ZNF721: variants seen among roughly 807,000 people sequenced by gnomAD.
ZNF721 encodes the protein zinc finger protein 721.
ZNF721 carries 2 observed loss-of-function variants against 2.4 expected under a neutral mutation model. The ratio of observed to expected loss-of-function variants is 0.82; its 90% CI spans 0.34 to 2.58. The LOEUF is 2.58. Ranked by LOEUF, ZNF721 falls within the 30% of genes most tolerant of loss-of-function variation. The pLI is 0.11. For missense variants in ZNF721, 1,187 were observed against 1,085.5 expected, an observed-to-expected ratio of 1.09 and a Z score of -1.31; for synonymous variants, 398 against 381.8, an observed-to-expected ratio of 1.04 and a Z score of -0.50.
At chr4:494,620 C>T (rs782118542) in intron 1 of ZNF721, among the ~76,000 whole-genome samples, 10 of 152,124 alleles carry the variant, frequency 6.6e-5, no homozygotes, top group Non-Finnish European at 7.4e-5. Flanking sequence ...AAGGAAACAA[C>T]TCAGGTGAAA....
chr4:474,135 G>A, intron 1 of ZNF721: 8 of 951,702 alleles, frequency 8.4e-6, no homozygotes, highest in Admixed American at 2.4e-5. Context: ...AGCTCAGGCT[G>A]AAGCAACAGG....
Position 494,887 on chromosome 4 carries a change from G to A in ZNF721, c.-94+4169C>T, listed in dbSNP as rs1576975670. Among the ~76,000 whole-genome samples, 4 of 132,788 alleles carry A rather than the reference G, an allele frequency of 3.0e-5. No individual in the cohort carries two copies. The Admixed American group carries it at 3.8e-4, about 13-fold the overall frequency. 87.1% of individuals were successfully genotyped at this position (132,788 alleles called of 152,430 possible). ...TTAGACCATGTGATGCTTTTACAGT[G>A]CACTTATTTTTTTTTTTTTTTTGAG... On this transcript the variant is annotated intron_variant, in intron 1 of 2. Transcript: ENST00000511833.
chr4:459,277 C>G (rs782784056), intron 2 of ZNF721, among the ~76,000 whole-genome samples: 9 of 152,078 alleles, frequency 5.9e-5, no homozygotes, highest in Non-Finnish European at 1.3e-4. Context: ...ATCATAATGA[C>G]AGTATCAAAT....
chr4:459,335 A>G (rs1434271188), intron 2 of ZNF721, among the ~76,000 whole-genome samples: 1 of 152,198 alleles, frequency 6.6e-6, no homozygotes, highest in Non-Finnish European at 1.5e-5. Flanking sequence ...TAAATGCCCC[A>G]ATTAAAAGAC....
chr4:451,942 C>T (rs1046794163), intron 2 of ZNF721, among the ~76,000 whole-genome samples: 1 of 152,186 alleles, frequency 6.6e-6, no homozygotes, highest in African/African-American at 2.4e-5. Flanking sequence ...GAACCATTGG[C>T]TGTCTGTGAG....
At chr4:483,028 C>T (rs1216284484) in intron 1 of ZNF721, among the ~76,000 whole-genome samples, 3 of 149,846 alleles carry the variant, frequency 2.0e-5, no homozygotes, top group Non-Finnish European at 4.5e-5. Flanking sequence ...ATTTGTCAGA[C>T]AGGTACAGTA....
At chr4:473,864 G>C in intron 1 of ZNF721, 1 of 1,316,122 alleles carries the variant, frequency 7.6e-7, no homozygotes, top group Non-Finnish European at 1.0e-6. Context: ...ACTGAGGACC[G>C]AGGGCTAAGC....
At chr4:490,241 C>G (rs1295163705) in intron 1 of ZNF721, among the ~76,000 whole-genome samples, 1 of 151,960 alleles carries the variant, frequency 6.6e-6, no homozygotes, top group Non-Finnish European at 1.5e-5. Context: ...CTTTGGGAGG[C>G]TGAGGCGGGC....
intron 2 of ZNF721, among the ~76,000 whole-genome samples, chr4:460,036 G>C (rs1553865862): frequency 6.6e-6 from 1 of 152,032 alleles, no homozygotes; most frequent in East Asian, 1.9e-4. Flanking sequence ...TTAGATCAAT[G>C]AGACAGAAAA....
intron 1 of ZNF721, among the ~76,000 whole-genome samples, chr4:473,626 G>A (rs570115436): frequency 6.6e-6 from 1 of 152,190 alleles, no homozygotes; most frequent in African/African-American, 2.4e-5. Flanking sequence ...GTTTTGATGG[G>A]GCCTCGATCT....
Position 474,331 on chromosome 4 carries a change from G to A in ZNF721, c.-93-1630C>T, listed in dbSNP as rs555714890. 1.6e-4 allele frequency among the ~76,000 whole-genome samples: 25 copies of A among 152,218 alleles called. No individual in the cohort carries two copies. The East Asian group carries it at 4.8e-3, about 29-fold the overall frequency. Reference sequence around the variant, plus strand: ...AAGAGTGACAGACTAGTACCTCCAGGCACTTTCAGGCGGCGCTTAATCTCT... The same window carrying A: ...AAGAGTGACAGACTAGTACCTCCAGACACTTTCAGGCGGCGCTTAATCTCT... On this transcript the variant is annotated intron_variant, in intron 1 of 2. Transcript: ENST00000511833.
intron 1 of ZNF721, among the ~76,000 whole-genome samples, chr4:479,972 G>T (rs998467838): frequency 6.6e-6 from 1 of 151,978 alleles, no homozygotes; most frequent in Non-Finnish European, 1.5e-5. Context: ...TGGTAATTTC[G>T]TATTTTTTTT....
chr4:455,757 T>C (rs1397605690), intron 2 of ZNF721, among the ~76,000 whole-genome samples: 1 of 152,182 alleles, frequency 6.6e-6, no homozygotes. Flanking sequence ...TTATAGTTCA[T>C]AGAGTATTAA....
chr4:493,684 CAAA>C (rs34692559), intron 1 of ZNF721, among the ~76,000 whole-genome samples: 61 of 123,110 alleles, frequency 5.0e-4, no homozygotes, highest in Admixed American at 5.8e-4. Context: ...ATCCCCCCCG[CAAA>C]AAAAAAAAAA....
intron 1 of ZNF721, among the ~76,000 whole-genome samples, chr4:485,533 G>A (rs1242395750): frequency 6.6e-6 from 1 of 152,022 alleles, no homozygotes; most frequent in African/African-American, 2.4e-5. Flanking sequence ...CTGAAAGGCC[G>A]CAACTCAACA....
chr4:478,671 T>C (rs1168993947), intron 1 of ZNF721, among the ~76,000 whole-genome samples: 2 of 152,244 alleles, frequency 1.3e-5, no homozygotes, highest in Non-Finnish European at 2.9e-5. Flanking sequence ...GGAATAATAC[T>C]GTTTATGAAC....
chr4:490,338 T>C (rs1276957996), intron 1 of ZNF721, among the ~76,000 whole-genome samples: 1 of 151,744 alleles, frequency 6.6e-6, no homozygotes, highest in Non-Finnish European at 1.5e-5. Context: ...TAGCCAGGTG[T>C]GGTGGCAGGC....
chr4:474,201 T>G (rs1715562803), intron 1 of ZNF721: 1 of 423,376 alleles, frequency 2.4e-6, no homozygotes, highest in Non-Finnish European at 4.4e-6. Flanking sequence ...GCGCGCCTGA[T>G]TGGGCAGTTC....
chr4:465,470 C>T (rs1158887283), intron 2 of ZNF721, among the ~76,000 whole-genome samples: 2 of 149,014 alleles, frequency 1.3e-5, no homozygotes, highest in East Asian at 2.0e-4. Flanking sequence ...CTCACTCTGT[C>T]GCCCAGGCTG....
Sources: allele counts gnomAD v4.1 joint callset (sites outside exome capture counted in the v4.1 genomes callset), GRCh38; gene constraint gnomAD v4.1.1; transcripts MANE v1.5; gene names NCBI Gene and HGNC (gene_info 2026-07-23, HGNC 2026-07-21).